DHX36: variants seen among roughly 807,000 people sequenced by gnomAD.
The protein encoded by DHX36 is ATP-dependent DNA/RNA helicase DHX36.
In DHX36, 50 loss-of-function variants were observed where a neutral mutation model predicts 139.0. The observed-to-expected ratio is 0.36, with a 90% CI of 0.29 to 0.46. DHX36 has a LOEUF of 0.46. DHX36 is among the 20% of genes least tolerant of loss of function. The probability of loss-of-function intolerance (pLI) is 1.00; values close to 1 mark genes in which losing one functional copy is unlikely to be tolerated. For missense variants in DHX36, 1,024 were observed against 1,211.3 expected (o/e 0.85, Z 2.29); for synonymous variants, 425 against 401.9 (o/e 1.06, Z -0.69).
chr3:154,309,886 C>A, intron 4 of DHX36, 63 bp from the exon 5 acceptor site: 1 of 1,271,012 alleles, frequency 7.9e-7, no homozygotes, highest in Non-Finnish European at 1.1e-6. Flanking sequence ...AGATATTAAT[C>A]AAAATTCGAC....
chr3:154,288,402 G>A (rs1291553420), intron 17 of DHX36, among the ~76,000 whole-genome samples: 2 of 151,878 alleles, frequency 1.3e-5, no homozygotes, highest in African/African-American at 2.4e-5. Context: ...CATGATAGAG[G>A]TTATCTATCA....
rs745747611 is a variant in DHX36 at position 154,288,972 on chromosome 3, G to A, written c.1933-8C>T. On this transcript the variant is annotated splice_region_variant and splice_polypyrimidine_tract_variant and intron_variant, in intron 16 of 24. Transcript: ENST00000496811. ...TCCACCTAGCCTTAAAATCTAAGTG[G>A]GGGAGACAAATATTATTAAATACAT... 5 of 1,430,908 alleles carry A rather than the reference G, an allele frequency of 3.5e-6. No individual in the cohort carries two copies. Among genetic ancestry groups the A allele is most frequent in the Non-Finnish European group, 4.8e-6 (5 of 1,047,172 alleles). 88.6% of individuals were successfully genotyped at this position (1,430,908 alleles called of 1,614,324 possible).
chr3:154,314,586 A>C (rs752301342), intron 3 of DHX36: 2 of 152,958 alleles, frequency 1.3e-5, no homozygotes, highest in African/African-American at 2.4e-5. Context: ...ATCAGAATTC[A>C]GGAGATCTCA....
In DHX36 at chr3:154,295,293, G is replaced by A; in HGVS notation, c.1596C>T (p.Asn532=). The change falls in exon 13 of 25, where the codon AAC becomes AAT. Residue 532 remains asparagine (N), a synonymous_variant. Transcript: ENST00000496811. The part of the protein sequence containing the change: ...IPLHSLMPTV[N]QTQVFKRTPP... ...TATCCATTTAACATACCTGTGTCTG[G>A]TTAACTGTAGGCATCAGTGAATGTA... 1.3e-6 allele frequency: 2 copies of A among 1,544,408 alleles called. No homozygotes were observed. The highest frequency in any genetic ancestry group is 2.3e-5 in the East Asian group (1 of 42,746).
chr3:154,286,295 T>C (rs545592331), intron 17 of DHX36, among the ~76,000 whole-genome samples: 43 of 150,960 alleles, frequency 2.8e-4, no homozygotes, highest in Non-Finnish European at 5.8e-4. Context: ...CAACATTGTA[T>C]TAAGGGTCCC....
intron 3 of DHX36, chr3:154,314,733 T>C (rs1399983306): frequency 9.6e-6 from 2 of 208,176 alleles, no homozygotes; most frequent in Non-Finnish European, 1.9e-5. Context: ...TTAACTGCCT[T>C]TACTGCACAT....
Position 154,309,801 on chromosome 3 carries a change from T to C in DHX36, c.665A>G (p.Asn222Ser), listed in dbSNP as rs565024141. Residue 222 changes from asparagine (N) to serine (S), a missense_variant, in exon 5 of 25, where the codon AAC (asparagine) becomes AGC (serine). Physicochemically the swap from Asn to Ser is conservative, Grantham distance 46 (BLOSUM62 1). Transcript: ENST00000496811. ...MQKELVNLIDNHQVTVISGET... is the reference protein window; with the variant it reads ...MQKELVNLIDSHQVTVISGET... ...ACCACTTATTACTGTTACCTGATGGTTATCAATTAAATTTACCAATTCCTA... is the reference window on the plus strand; with the variant it reads ...ACCACTTATTACTGTTACCTGATGGCTATCAATTAAATTTACCAATTCCTA... The C allele has an allele frequency of 1.0e-5, 16 of 1,604,192 alleles. No individual in the cohort carries two copies. Among genetic ancestry groups the C allele is most frequent in the South Asian group, 5.6e-5 (5 of 88,944 alleles).
At chr3:154,290,149 G>C (rs1711730728) in intron 15 of DHX36, among the ~76,000 whole-genome samples, 1 of 152,152 alleles carries the variant, frequency 6.6e-6, no homozygotes, top group African/African-American at 2.4e-5. Flanking sequence ...TTAAGGTTAA[G>C]AATAGTAACG....
chr3:154,316,515 T>C (rs953992703), intron 1 of DHX36, among the ~76,000 whole-genome samples: 1 of 152,078 alleles, frequency 6.6e-6, no homozygotes, highest in Non-Finnish European at 1.5e-5. Context: ...ATTTCAAAGT[T>C]ATTAAAACTC....
chr3:154,314,948 T>C, intron 3 of DHX36, 98 bp downstream of exon 3: 1 of 784,466 alleles, frequency 1.3e-6, no homozygotes, highest in South Asian at 1.9e-5. Flanking sequence ...GTTGAGGATC[T>C]CACTGATCTA....
chr3:154,296,896 G>T (rs534998712), intron 12 of DHX36, among the ~76,000 whole-genome samples: 14 of 152,344 alleles, frequency 9.2e-5, no homozygotes, highest in East Asian at 7.7e-4. Context: ...TGAATTACTT[G>T]TCTCTGTGAC....
At chr3:154,287,900 T>C (rs1711603577) in intron 17 of DHX36, among the ~76,000 whole-genome samples, 2 of 151,876 alleles carry the variant, frequency 1.3e-5, no homozygotes, top group Non-Finnish European at 2.9e-5. Flanking sequence ...TTAAAACCAC[T>C]ACATACCTAC....
In DHX36 at chr3:154,300,583, A is replaced by T; in HGVS notation, c.1461+11T>A. The T allele has an allele frequency of 6.2e-7, 1 of 1,602,262 alleles. No individual in the cohort carries two copies. The highest frequency in any genetic ancestry group is 1.3e-5 in the African/African-American group (1 of 74,464). ...AATTATGTTAACTGAAGAAAGAAAA[A>T]TAAAACTAACCTCTTCTTCCAAAAC... On this transcript the variant is annotated intron_variant, in intron 11 of 24. Coordinates refer to ENST00000496811, the MANE Select transcript of DHX36 (RefSeq NM_020865.3).
intron 23 of DHX36, among the ~76,000 whole-genome samples, chr3:154,277,359 T>C (rs990039747): frequency 6.6e-5 from 10 of 152,152 alleles, no homozygotes; most frequent in South Asian, 6.2e-4. Context: ...TGAAAGCAAG[T>C]TCTGAAAGAA....
At chr3:154,287,872 C>T (rs183879556) in intron 17 of DHX36, among the ~76,000 whole-genome samples, 143 of 152,018 alleles carry the variant, frequency 9.4e-4, no homozygotes, top group African/African-American at 3.1e-3. Context: ...ACTTCAATGA[C>T]AGTCATAGAA....
Position 154,276,169 on chromosome 3 carries a change from T to C in DHX36, c.*2A>G. 6 of 1,606,158 alleles carry C rather than the reference T, an allele frequency of 3.7e-6. No homozygotes were observed. Among genetic ancestry groups the C allele is most frequent in the Non-Finnish European group, 3.4e-6 (4 of 1,177,614 alleles). ...GCTTTTCAGACCACCCCTGAAAAGC[T>C]GTCAGCTGTAATATCCATCCTGGAA... On this transcript the variant is annotated 3_prime_UTR_variant, in exon 25 of 25. Coordinates refer to ENST00000496811, the MANE Select transcript of DHX36 (RefSeq NM_020865.3).
In DHX36 at chr3:154,315,126, C is replaced by T. The variant is rs1559959675; in HGVS notation, c.523G>A (p.Glu175Lys). The change falls in exon 3 of 25, where the codon GAA becomes AAA. Residue 175 changes from glutamate (E) to lysine (K), a missense_variant. Glu to Lys is a moderately conservative substitution (Grantham distance 56). Coordinates refer to ENST00000496811, the MANE Select transcript of DHX36 (RefSeq NM_020865.3). ...RDSEYLLQEN[E>K]PDGTLDQKLL... The stretch of plus-strand genomic sequence containing the variant: ...TTTTGGTCTAAAGTTCCATCTGGTT[C>T]ATTTTCTTGCAAGAGATACTCAGAA... 1 of 1,613,378 alleles carries T rather than the reference C, an allele frequency of 6.2e-7. No individual in the cohort carries two copies. Among genetic ancestry groups the T allele is most frequent in the South Asian group, 1.1e-5 (1 of 90,972 alleles).
intron 15 of DHX36, among the ~76,000 whole-genome samples, chr3:154,291,139 A>G: frequency 1.1e-5 from 1 of 93,622 alleles, no homozygotes; most frequent in Admixed American, 1.4e-4. Context: ...CGTCTCAAAA[A>G]AAAAAAAAAA....
chr3:154,314,311 A>G (rs567323254), intron 3 of DHX36, among the ~76,000 whole-genome samples: 9 of 152,326 alleles, frequency 5.9e-5, no homozygotes, highest in South Asian at 2.1e-4. Context: ...TTTCTTTCCT[A>G]TTAAGGAAAT....
Sources: allele counts gnomAD v4.1 joint callset (sites outside exome capture counted in the v4.1 genomes callset), GRCh38; gene constraint gnomAD v4.1.1; transcripts MANE v1.5; gene names NCBI Gene and HGNC (gene_info 2026-07-23, HGNC 2026-07-21).